TINCR: variants seen among roughly 807,000 people sequenced by gnomAD.
TINCR encodes TINCR ubiquitin domain containing.
intron 1 of TINCR, among the ~76,000 whole-genome samples, chr19:5,566,101 G>A (rs1568193775): frequency 1.3e-5 from 2 of 152,200 alleles, no homozygotes; most frequent in African/African-American, 2.4e-5. Context: ...GTGAGTGTGG[G>A]TAACGGACAC....
At chr19:5,567,332 GGA>G (rs373710542) in intron 1 of TINCR, among the ~76,000 whole-genome samples, 1 of 150,906 alleles carries the variant, frequency 6.6e-6, no homozygotes, top group Non-Finnish European at 1.5e-5. Context: ...GAAAGAAGAG[GGA>G]GAGAGATGAG....
intron 1 of TINCR, among the ~76,000 whole-genome samples, chr19:5,564,079 G>A (rs2052115326): frequency 6.6e-6 from 1 of 152,098 alleles, no homozygotes; most frequent in South Asian, 2.1e-4. Flanking sequence ...CTGCCTCGAG[G>A]CAGAAAATGT....
exon 1 of TINCR, chr19:5,567,669 G>A: frequency 2.8e-6 from 1 of 360,578 alleles, no homozygotes; most frequent in Non-Finnish European, 4.9e-6. Context: ...GGCCACCTGG[G>A]GTCGCTGACG....
chr19:5,567,583 T>C (rs1280910006), intron 1 of TINCR, 82 bp downstream of exon 1: 7 of 376,162 alleles, frequency 1.9e-5, no homozygotes, highest in Non-Finnish European at 9.5e-6. Flanking sequence ...GGAGGCCGCC[T>C]TGGGCGCCCG....
At chr19:5,562,149 T>G (rs1274698784), downstream of TINCR, 1 of 152,704 alleles carries the variant, frequency 6.5e-6, no homozygotes, top group Non-Finnish European at 1.5e-5. The surrounding 1 kb of genome is among the most constrained non-coding windows in gnomAD (Gnocchi z 4.4). Context: ...TACCCCAGCC[T>G]ATTCCTTCAG....
downstream of TINCR, chr19:5,562,151 T>A (rs1339670053): frequency 6.6e-6 from 1 of 152,634 alleles, no homozygotes; most frequent in Non-Finnish European, 1.5e-5. This position sits in a 1 kb window ranked among gnomAD's most constrained non-coding sequence, Gnocchi z 4.4. Flanking sequence ...CCCCAGCCTA[T>A]TCCTTCAGCC....
chr19:5,565,863 C>T lies in TINCR; in HGVS notation c.260+1802G>A, dbSNP rs1340019245. The stretch of plus-strand genomic sequence containing the variant: ...AATTCACATGGCCCCCGTCCCTCTC[C>T]TGTTCAATGCTTCCAAGGAGGTGGT... On this transcript the variant is annotated intron_variant, in intron 1 of 1. Coordinates refer to ENST00000646160, the Ensembl canonical transcript of TINCR. The surrounding 1 kb of genome is among the most constrained non-coding windows in gnomAD (Gnocchi z 4.0). Among the ~76,000 whole-genome samples, 5 of 152,198 alleles carry T rather than the reference C, an allele frequency of 3.3e-5. No individual in the cohort carries two copies. Among genetic ancestry groups the T allele is most frequent in the Non-Finnish European group, 7.3e-5 (5 of 68,028 alleles).
chr19:5,564,965 C>A (rs891861649), intron 1 of TINCR, among the ~76,000 whole-genome samples: 6 of 152,166 alleles, frequency 3.9e-5, no homozygotes, highest in African/African-American at 7.2e-5. Context: ...CAGCCCTCCC[C>A]CCATCACAGT....
downstream of TINCR, chr19:5,559,384 G>C (rs1448157175): frequency 6.6e-6 from 1 of 151,714 alleles, no homozygotes; most frequent in Non-Finnish European, 1.5e-5. Context: ...GCCCAGGCTG[G>C]AGTGCAGTGG....
chr19:5,567,804 G>A (rs2052139629), exon 1 of TINCR: 1 of 394,292 alleles, frequency 2.5e-6, no homozygotes, highest in East Asian at 3.6e-5. Flanking sequence ...AGCTGGGCGC[G>A]CAGGTCGCTG....
intron 1 of TINCR, among the ~76,000 whole-genome samples, chr19:5,566,008 C>A (rs1463197603): frequency 6.6e-6 from 1 of 152,204 alleles, no homozygotes; most frequent in African/African-American, 2.4e-5. Context: ...CCCTTCTCTG[C>A]AGACCCCTCC....
chr19:5,564,770 G>A (rs1048257062), intron 1 of TINCR, among the ~76,000 whole-genome samples: 3 of 152,168 alleles, frequency 2.0e-5, no homozygotes, highest in Non-Finnish European at 4.4e-5. Flanking sequence ...TAGAGACAGC[G>A]TTTCGCCATG....
chr19:5,561,742 G>A (rs528989652), downstream of TINCR: 1 of 152,238 alleles, frequency 6.6e-6, no homozygotes, highest in East Asian at 1.9e-4. Flanking sequence ...GCCACCTGAT[G>A]GCAGTCACAG....
intron 1 of TINCR, among the ~76,000 whole-genome samples, chr19:5,564,998 G>A (rs901893963): frequency 6.6e-6 from 1 of 152,084 alleles, no homozygotes; most frequent in Non-Finnish European, 1.5e-5. Flanking sequence ...CTGCAGCCAG[G>A]GGTTGCCTGT....
At position 5,563,122 on chromosome 19, in the gene TINCR, A is replaced by T. The variant is rs948666652; in HGVS notation, c.261-173T>A. ...GAGGAAGGGGAAGAGAGGGAGGAGG[A>T]GCAAGCAGGGAGGGAATACAGCAGG... On this transcript the variant is annotated intron_variant, in intron 1 of 1. Coordinates refer to ENST00000646160, the Ensembl canonical transcript of TINCR. This position sits in a 1 kb window ranked among gnomAD's most constrained non-coding sequence, Gnocchi z 4.7. 2.0e-5 allele frequency among the ~76,000 whole-genome samples: 3 copies of T among 151,728 alleles called. No homozygotes were observed. The highest frequency in any genetic ancestry group is 4.4e-5 in the Non-Finnish European group (3 of 67,940).
downstream of TINCR, chr19:5,559,980 A>G (rs909049284): frequency 3.9e-5 from 6 of 152,254 alleles, no homozygotes; most frequent in African/African-American, 1.4e-4. Flanking sequence ...CAGGGGGCAC[A>G]CAGTGGGTCT....
At chr19:5,559,369 C>T (rs1340263708), downstream of TINCR, 1 of 148,584 alleles carries the variant, frequency 6.7e-6, no homozygotes, top group African/African-American at 2.5e-5. Context: ...GAGTCTCGCT[C>T]TGTCGCCCAG....
chr19:5,566,262 G>A (rs926846586), intron 1 of TINCR, among the ~76,000 whole-genome samples: 2 of 152,204 alleles, frequency 1.3e-5, no homozygotes, highest in East Asian at 3.9e-4. Context: ...GAGACACAGC[G>A]AGAAAAAGAG....
downstream of TINCR, chr19:5,558,971 G>A (rs2052085651): frequency 6.6e-6 from 1 of 152,332 alleles, no homozygotes; most frequent in Admixed American, 6.5e-5. Flanking sequence ...GGGAAGGGAA[G>A]GGAAGGGAAG....
Sources: allele counts gnomAD v4.1 joint callset (sites outside exome capture counted in the v4.1 genomes callset), GRCh38; gene constraint gnomAD v4.1.1; non-coding constraint Gnocchi (gnomAD v3.1); transcripts MANE v1.5; gene names NCBI Gene and HGNC (gene_info 2026-07-23, HGNC 2026-07-21).